The following COL6A6 variants were observed in gnomAD, a reference collection of about 807,000 sequenced individuals.
The protein encoded by COL6A6 is collagen alpha-6(VI) chain.
A neutral mutation model predicts 208.6 loss-of-function variants in COL6A6; 183 were observed. The observed-to-expected ratio is 0.88, with a 90% CI of 0.78 to 0.99. The LOEUF is 0.99. Among genes scored for constraint, COL6A6 ranks in the 50% least tolerant of loss-of-function variants. The pLI, the probability that COL6A6 is intolerant of heterozygous loss-of-function variation, is 0.00. For missense variants in COL6A6, 2,816 were observed against 2,815.2 expected, an observed-to-expected ratio of 1.00 and a Z score of -0.01; for synonymous variants, 973 against 1,011.8, an observed-to-expected ratio of 0.96 and a Z score of 0.73.
chr3:130,635,881 C>T (rs2065098291), intron 28 of COL6A6, 120 bp downstream of exon 28: 1 of 703,468 alleles, frequency 1.4e-6, no homozygotes. Flanking sequence ...CATGTGTTTT[C>T]TATTAAGGCA....
rs777925223 is a variant in COL6A6, at chr3:130,649,552, G to A, written c.5723G>A (p.Arg1908His). ...TTCAGCAACGTGCCCTCGGTCAGGC[G>A]CGCATTTGCGGTATGAGGATGAAAC... ...ITFSNVPSVR[R>H]AFAIDDTGTF... The change falls in exon 33 of 37, where the codon CGC (arginine) becomes CAC (histidine). Residue 1908 changes from arginine to histidine, a missense_variant. Coordinates refer to ENST00000358511, the MANE Select transcript of COL6A6 (RefSeq NM_001102608.3). 2 of 1,586,296 alleles carry A rather than the reference G, an allele frequency of 1.3e-6. No individual in the cohort carries two copies. The highest frequency in any genetic ancestry group is 1.3e-5 in the African/African-American group (1 of 74,744).
intron 36 of COL6A6, among the ~76,000 whole-genome samples, chr3:130,671,171 T>G (rs2108492537): frequency 6.6e-6 from 1 of 152,262 alleles, no homozygotes; most frequent in East Asian, 1.9e-4. Flanking sequence ...TTTCCCTGCT[T>G]TTAGACTTAA....
At chr3:130,602,653 ACAC>A (rs1277882967) in intron 20 of COL6A6, among the ~76,000 whole-genome samples, 1 of 152,236 alleles carries the variant, frequency 6.6e-6, no homozygotes, top group Non-Finnish European at 1.5e-5. Flanking sequence ...AGACATGTTA[ACAC>A]CTGACATTTC....
chr3:130,622,702 A>C (rs2064766472), intron 24 of COL6A6, among the ~76,000 whole-genome samples: 1 of 151,926 alleles, frequency 6.6e-6, no homozygotes, highest in South Asian at 2.1e-4. Flanking sequence ...CTAAAAATTC[A>C]AAAATTTAGC....
intron 1 of COL6A6, among the ~76,000 whole-genome samples, chr3:130,556,594 C>T (rs902881656): frequency 6.6e-6 from 1 of 151,922 alleles, no homozygotes. Flanking sequence ...TCAGTCTGTT[C>T]TGAGATTTTT....
Position 130,675,199 on chromosome 3 carries a change from T to C in COL6A6, c.6597-3T>C, listed in dbSNP as rs1345940003. The C allele has an allele frequency of 4.5e-6, 7 of 1,544,324 alleles. No individual in the cohort carries two copies. The highest frequency in any genetic ancestry group is 5.2e-6 in the Non-Finnish European group (6 of 1,144,418). ...TTCTATGATGTTCTCTTTTGTTGTA[T>C]AGCTTTGTTCCTGGACCACTTAAAG... On this transcript the variant is annotated splice_region_variant and splice_polypyrimidine_tract_variant and intron_variant, in intron 36 of 36. Coordinates refer to ENST00000358511, the MANE Select transcript of COL6A6 (RefSeq NM_001102608.3).
chr3:130,654,939 A>T (rs2065747723), intron 33 of COL6A6, among the ~76,000 whole-genome samples: 1 of 152,160 alleles, frequency 6.6e-6, no homozygotes, highest in Non-Finnish European at 1.5e-5. Flanking sequence ...TGGTCTTCAT[A>T]CACTCTGAGT....
At chr3:130,567,745 A>C (rs1210136300) in intron 5 of COL6A6, among the ~76,000 whole-genome samples, 1 of 152,180 alleles carries the variant, frequency 6.6e-6, no homozygotes, top group African/African-American at 2.4e-5. Context: ...TAAGAGGTAG[A>C]GGTCAGGGAT....
chr3:130,674,380 C>T (rs900232081), intron 36 of COL6A6, among the ~76,000 whole-genome samples: 1 of 152,172 alleles, frequency 6.6e-6, no homozygotes, highest in Non-Finnish European at 1.5e-5. Context: ...CTACTTAGCA[C>T]TTGGCTTCTA....
chr3:130,593,351 TTG>T, intron 17 of COL6A6, 99 bp downstream of exon 17: 1 of 931,828 alleles, frequency 1.1e-6, no homozygotes. Context: ...CAAAACTGTT[TTG>T]TGACAGTCAT....
intron 26 of COL6A6, among the ~76,000 whole-genome samples, chr3:130,627,619 G>A (rs1170819470): frequency 6.6e-6 from 1 of 152,194 alleles, no homozygotes; most frequent in African/African-American, 2.4e-5. Flanking sequence ...TGCGGCCCTA[G>A]TCTGACTTGT....
At chr3:130,597,601 A>T (rs987732725) in intron 18 of COL6A6, among the ~76,000 whole-genome samples, 1 of 152,238 alleles carries the variant, frequency 6.6e-6, no homozygotes, top group African/African-American at 2.4e-5. Context: ...TGAATTGACT[A>T]GCTCAACTGA....
In COL6A6 at chr3:130,662,298, C is replaced by T. The variant is rs188181514; in HGVS notation, c.6492C>T (p.Asn2164=). Residue 2164 remains asparagine, a synonymous_variant, in exon 35 of 37, where the codon AAC becomes AAT. Coordinates refer to ENST00000358511, the MANE Select transcript of COL6A6 (RefSeq NM_001102608.3). Reference sequence around the variant, plus strand: ...TGAAGTTTGTGAAGTCCTTTATAAACTCAATCAGGCGTAAGTCATAAAATC... The same window carrying T: ...TGAAGTTTGTGAAGTCCTTTATAAATTCAATCAGGCGTAAGTCATAAAATC... ...YGVKFVKSFI[N]SIRRAINKYP... is the part of the protein sequence containing the mutation. 5 of 1,612,354 alleles carry T rather than the reference C, an allele frequency of 3.1e-6. No individual in the cohort carries two copies. In the Admixed American group the frequency reaches 5.0e-5, roughly 16 times the overall value.
intron 1 of COL6A6, among the ~76,000 whole-genome samples, chr3:130,545,405 A>T (rs1488492888): frequency 6.6e-6 from 1 of 150,954 alleles, no homozygotes; most frequent in African/African-American, 2.4e-5. Context: ...TGTAATTCTC[A>T]TCATTGCTCC....
At position 130,669,528 on chromosome 3, in the gene COL6A6, C is replaced by T. The variant is rs973674567; in HGVS notation, c.6596+4432C>T. ...TTAGAACTGTGTAACAATCAAAATGCTATATGTCAAAACTTGTAGGATGCA... is the reference window on the plus strand; with the variant it reads ...TTAGAACTGTGTAACAATCAAAATGTTATATGTCAAAACTTGTAGGATGCA... On this transcript the variant is annotated intron_variant, in intron 36 of 36. Coordinates refer to ENST00000358511, the MANE Select transcript of COL6A6 (RefSeq NM_001102608.3). Among the ~76,000 whole-genome samples, 4 of 151,814 alleles carry T rather than the reference C, an allele frequency of 2.6e-5. 1 individual carries two copies. The highest frequency in any genetic ancestry group is 9.7e-5 in the African/African-American group (4 of 41,326).
chr3:130,666,901 G>A (rs986142927), intron 36 of COL6A6, among the ~76,000 whole-genome samples: 3 of 152,094 alleles, frequency 2.0e-5, no homozygotes, highest in African/African-American at 7.2e-5. Flanking sequence ...ACATAGTATG[G>A]GGAAATGCAG....
intron 31 of COL6A6, among the ~76,000 whole-genome samples, chr3:130,644,743 G>C (rs948072808): frequency 6.6e-6 from 1 of 152,142 alleles, no homozygotes; most frequent in Non-Finnish European, 1.5e-5. Flanking sequence ...TTTGTTTCTT[G>C]ACAGCTGGCT....
intron 24 of COL6A6, among the ~76,000 whole-genome samples, chr3:130,623,458 CAAAT>C (rs897207986): frequency 1.9e-4 from 29 of 152,118 alleles, no homozygotes; most frequent in African/African-American, 7.0e-4. Flanking sequence ...GACTCCATCT[CAAAT>C]AAATAAATAT....
chr3:130,612,086 A>G (rs1250040932), intron 23 of COL6A6, among the ~76,000 whole-genome samples: 1 of 152,116 alleles, frequency 6.6e-6, no homozygotes, highest in African/African-American at 2.4e-5. Flanking sequence ...CTCCAGCTTC[A>G]TCTATGTTGC....
Sources: allele counts gnomAD v4.1 joint callset (sites outside exome capture counted in the v4.1 genomes callset), GRCh38; gene constraint gnomAD v4.1.1; transcripts MANE v1.5; gene names NCBI Gene and HGNC (gene_info 2026-07-23, HGNC 2026-07-21).